RSPO2: variants seen among roughly 807,000 people sequenced by gnomAD.
The protein encoded by RSPO2 is R-spondin 2, also known as R-spondin-2.
A neutral mutation model predicts 30.9 loss-of-function variants in RSPO2; 14 were observed. The observed-to-expected ratio is 0.45, with a 90% CI of 0.30 to 0.71. The LOEUF is 0.71. RSPO2 is among the 30% of genes least tolerant of loss of function. The probability of loss-of-function intolerance (pLI) is 0.08; values close to 1 mark genes in which losing one functional copy is unlikely to be tolerated. For synonymous variants in RSPO2, 107 were observed against 96.4 expected (o/e 1.11, Z -0.64); for missense variants, 264 against 301.9 (o/e 0.87, Z 0.93).
intron 2 of RSPO2, among the ~76,000 whole-genome samples, chr8:108,045,094 A>C (rs1242430337): frequency 6.6e-6 from 1 of 152,160 alleles, no homozygotes; most frequent in Non-Finnish European, 1.5e-5. Context: ...AATTAAACTA[A>C]ACAGCCTCTG....
intron 2 of RSPO2, among the ~76,000 whole-genome samples, chr8:108,056,398 C>G (rs1283795344): frequency 6.6e-6 from 1 of 151,724 alleles, no homozygotes; most frequent in Non-Finnish European, 1.5e-5. Context: ...GCAGGCAGAT[C>G]GCTTGAGCTC....
chr8:107,951,658 G>C (rs1813252856), intron 5 of RSPO2, among the ~76,000 whole-genome samples: 1 of 152,030 alleles, frequency 6.6e-6, no homozygotes, highest in African/African-American at 2.4e-5. Context: ...ATTGAAATGG[G>C]GCTGGCAGAG....
chr8:108,075,015 A>T (rs921110304), intron 2 of RSPO2, among the ~76,000 whole-genome samples: 1 of 152,218 alleles, frequency 6.6e-6, no homozygotes, highest in South Asian at 2.1e-4. Flanking sequence ...AATCATAAAT[A>T]TAATAACTAG....
intron 2 of RSPO2, among the ~76,000 whole-genome samples, chr8:108,032,403 G>T (rs1228170807): frequency 6.6e-6 from 1 of 151,986 alleles, no homozygotes; most frequent in Admixed American, 6.6e-5. Context: ...TACAGTTTCT[G>T]GTACATTAAT....
At chr8:108,049,580 T>A (rs1383095543) in intron 2 of RSPO2, among the ~76,000 whole-genome samples, 1 of 151,690 alleles carries the variant, frequency 6.6e-6, no homozygotes, top group South Asian at 2.1e-4. Context: ...GGCCCCAGTA[T>A]GTGATGTTCC....
intron 5 of RSPO2, among the ~76,000 whole-genome samples, chr8:107,920,529 A>G (rs1490028163): frequency 1.3e-5 from 2 of 152,154 alleles, no homozygotes; most frequent in East Asian, 3.9e-4. Flanking sequence ...AAGTCATTAA[A>G]GTAAAAAGAA....
At chr8:107,973,533 C>G (rs1372835578) in intron 3 of RSPO2, among the ~76,000 whole-genome samples, 2 of 488 alleles carry the variant, frequency 4.1e-3, no homozygotes, top group Non-Finnish European at 5.3e-3. Flanking sequence ...GACACACACT[C>G]ACACACACAC....
chr8:107,961,313 G>A (rs751934557), intron 3 of RSPO2, among the ~76,000 whole-genome samples: 3 of 149,384 alleles, frequency 2.0e-5, no homozygotes, highest in Non-Finnish European at 4.4e-5. Context: ...ATTCATCAGA[G>A]GGTGACCTGG....
chr8:107,981,949 C>T (rs1814449102), intron 3 of RSPO2, among the ~76,000 whole-genome samples: 1 of 147,850 alleles, frequency 6.8e-6, no homozygotes, highest in Non-Finnish European at 1.5e-5. Flanking sequence ...TGGGAGGATC[C>T]CTTCAGCACA....
chr8:107,929,833 G>A (rs185717576), intron 5 of RSPO2, among the ~76,000 whole-genome samples: 10 of 152,112 alleles, frequency 6.6e-5, no homozygotes, highest in South Asian at 2.1e-4. Flanking sequence ...AAGCAATTCC[G>A]TCTGTATTTA....
rs1398095920 is a variant in RSPO2, at chr8:107,900,439, G to C, written c.*636C>G. 6.6e-6 allele frequency: 1 copy of C among 152,460 alleles called. No homozygotes were observed. Among genetic ancestry groups the C allele is most frequent in the East Asian group, 1.9e-4 (1 of 5,188 alleles). 9.4% of individuals were successfully genotyped at this position (152,460 alleles called of 1,614,324 possible). A position where few individuals can be genotyped will look rare whatever the true frequency, so the allele number is the denominator to read the frequency against. ...TGGGTTAGGAACCACTAGAAACAAA[G>C]TGGCATCATATTAATCAGGTATGAC... On this transcript the variant is annotated 3_prime_UTR_variant, in exon 6 of 6. Transcript: ENST00000276659.
At chr8:108,073,848 G>T (rs1192199971) in intron 2 of RSPO2, among the ~76,000 whole-genome samples, 1 of 152,152 alleles carries the variant, frequency 6.6e-6, no homozygotes. Flanking sequence ...ATAGCAAATG[G>T]CTGAAAACTC....
intron 2 of RSPO2, among the ~76,000 whole-genome samples, chr8:108,080,492 C>T (rs1224589149): frequency 6.6e-6 from 1 of 152,040 alleles, no homozygotes; most frequent in Non-Finnish European, 1.5e-5. Context: ...GGATGGTAAT[C>T]GTTACAAGAG....
intron 5 of RSPO2, among the ~76,000 whole-genome samples, chr8:107,916,549 T>G (rs1026209459): frequency 6.6e-6 from 1 of 152,184 alleles, no homozygotes; most frequent in Non-Finnish European, 1.5e-5. Context: ...GGAATAAGTT[T>G]TTGGTAAAAG....
intron 5 of RSPO2, among the ~76,000 whole-genome samples, chr8:107,943,389 G>T (rs1812961046): frequency 6.6e-6 from 1 of 152,106 alleles, no homozygotes; most frequent in South Asian, 2.1e-4. Flanking sequence ...TTGAAATATG[G>T]GTGTTTAAGA....
At chr8:107,979,283 A>C (rs995475560) in intron 3 of RSPO2, among the ~76,000 whole-genome samples, 13 of 152,246 alleles carry the variant, frequency 8.5e-5, no homozygotes, top group Admixed American at 3.3e-4. Context: ...AAACAACCCA[A>C]ATGTCCAACA....
chr8:107,971,237 A>G (rs1378136405), intron 3 of RSPO2, among the ~76,000 whole-genome samples: 3 of 152,240 alleles, frequency 2.0e-5, no homozygotes, highest in Non-Finnish European at 2.9e-5. Flanking sequence ...CAAGAAACAA[A>G]TGTAAGCTTG....
Position 107,981,021 on chromosome 8 carries a change from T to A in RSPO2, c.283+8035A>T, listed in dbSNP as rs567290753. On this transcript the variant is annotated intron_variant, in intron 3 of 5. Coordinates refer to ENST00000276659, the MANE Select transcript of RSPO2 (RefSeq NM_178565.5). Reference sequence around the variant, plus strand: ...TATTTTTAATTTTATTTCTCAGTAATCCCAAACATACTGGGGTTACATCAA... The same window carrying A: ...TATTTTTAATTTTATTTCTCAGTAAACCCAAACATACTGGGGTTACATCAA... 2.2e-3 allele frequency among the ~76,000 whole-genome samples: 328 copies of A among 152,326 alleles called. 2 individuals are homozygous for A. The highest frequency in any genetic ancestry group is 7.6e-3 in the African/African-American group (315 of 41,572).
intron 5 of RSPO2, among the ~76,000 whole-genome samples, chr8:107,927,533 T>C (rs951562013): frequency 2.6e-5 from 4 of 152,148 alleles, no homozygotes; most frequent in Non-Finnish European, 5.9e-5. Context: ...GGCTGTGGGT[T>C]TGTCATAAAT....
Sources: gnomAD v4.1 joint callset for allele counts (sites outside exome capture counted in the v4.1 genomes callset) on GRCh38, gnomAD v4.1.1 for gene constraint, MANE v1.5 for transcripts, NCBI Gene and HGNC (gene_info 2026-07-23, HGNC 2026-07-21) for gene names.